RASEF: variants seen among roughly 807,000 people sequenced by gnomAD.
RASEF encodes RAS and EF-hand domain containing.
A neutral mutation model predicts 90.1 loss-of-function variants in RASEF; 68 were observed. The observed-to-expected ratio is 0.75, with a 90% CI of 0.62 to 0.92. The LOEUF is 0.92. Ranked by LOEUF, RASEF falls within the 40% of genes least tolerant of loss-of-function variation. The pLI is 0.00. For synonymous variants in RASEF, 331 were observed against 345.2 expected (o/e 0.96, Z 0.46); for missense variants, 949 against 937.2 (o/e 1.01, Z -0.16).
At chr9:83,086,784 C>G in the RASEF span, among the ~76,000 whole-genome samples, 2 of 152,028 alleles carry the variant, frequency 1.3e-5, no homozygotes, top group Non-Finnish European at 2.9e-5. Flanking sequence ...TGGCTTCTCC[C>G]AGAGGAAGTG....
chr9:83,087,603 G>A, the RASEF span, among the ~76,000 whole-genome samples: 1 of 152,048 alleles, frequency 6.6e-6, no homozygotes, highest in East Asian at 1.9e-4. Context: ...TTGTATTTCT[G>A]TAGGGTGGGT....
the RASEF span, among the ~76,000 whole-genome samples, chr9:83,074,512 G>C: frequency 5.3e-5 from 8 of 152,108 alleles, no homozygotes; most frequent in Non-Finnish European, 1.0e-4. Flanking sequence ...TCCAGCCCAT[G>C]ACCCACTATT....
At chr9:82,984,930 A>G (rs1191368356) in intron 16 of RASEF, among the ~76,000 whole-genome samples, 1 of 152,172 alleles carries the variant, frequency 6.6e-6, no homozygotes. Flanking sequence ...GTGCCCACAG[A>G]TGTGTTGTGG....
chr9:83,023,336 G>C (rs1187590586), intron 2 of RASEF, among the ~76,000 whole-genome samples: 1 of 152,190 alleles, frequency 6.6e-6, no homozygotes, highest in Non-Finnish European at 1.5e-5. Flanking sequence ...ACATTGATTT[G>C]CATCTAAACC....
Position 83,015,880 on chromosome 9 carries a change from T to C in RASEF, c.690A>G (p.Glu230=). Residue 230 remains glutamate (E), a synonymous_variant, in exon 4 of 17, where the codon GAA becomes GAG. Transcript: ENST00000376447. ...ACTGACGTCTGAGGTCACTGAGGGCTTCCTCAGCTTTGCGTTTTTCCTAAA... is the reference window on the plus strand; with the variant it reads ...ACTGACGTCTGAGGTCACTGAGGGCCTCCTCAGCTTTGCGTTTTTCCTAAA... ...TRKDEKRKAE[E]ALSDLRRQYE... The C allele has an allele frequency of 3.1e-6, 5 of 1,613,514 alleles. No individual in the cohort carries two copies. Among genetic ancestry groups the C allele is most frequent in the Non-Finnish European group, 4.2e-6 (5 of 1,179,592 alleles).
chr9:83,207,599 T>C, the RASEF span, among the ~76,000 whole-genome samples: 2 of 31,186 alleles, frequency 6.4e-5, no homozygotes, highest in Non-Finnish European at 1.3e-4. Flanking sequence ...GGAGGGCTGC[T>C]TTTTTTTTTT....
At chr9:83,063,515 A>G (rs548305444), upstream of RASEF, among the ~76,000 whole-genome samples, 6 of 152,344 alleles carry the variant, frequency 3.9e-5, no homozygotes, top group Non-Finnish European at 7.3e-5. Context: ...CTTACAAACC[A>G]AAGTACAAGA....
the RASEF span, among the ~76,000 whole-genome samples, chr9:83,168,119 A>G: frequency 6.6e-6 from 1 of 152,164 alleles, no homozygotes; most frequent in Non-Finnish European, 1.5e-5. Context: ...CAGAATTCCT[A>G]CTAGCAGTGA....
chr9:82,999,380 C>T (rs10780563), intron 12 of RASEF, among the ~76,000 whole-genome samples: 80,831 of 151,742 alleles, frequency 0.53, 21,814 homozygotes, highest in East Asian at 0.78. Context: ...GGCCACCCTG[C>T]GTAAAACCGC....
chr9:83,007,091 C>G (rs1418683460), intron 7 of RASEF, among the ~76,000 whole-genome samples: 1 of 79,522 alleles, frequency 1.3e-5, no homozygotes, highest in African/African-American at 7.5e-5. Context: ...AAGACTCTGT[C>G]TCAAAAAAAA....
At chr9:83,023,986 C>A (rs1250914935) in intron 2 of RASEF, among the ~76,000 whole-genome samples, 2 of 152,220 alleles carry the variant, frequency 1.3e-5, no homozygotes, top group Non-Finnish European at 2.9e-5. Context: ...CCCACTGTGA[C>A]CTAGTCCGGG....
At chr9:83,086,201 T>C in the RASEF span, among the ~76,000 whole-genome samples, 1 of 152,116 alleles carries the variant, frequency 6.6e-6, no homozygotes, top group African/African-American at 2.4e-5. Flanking sequence ...TCAGAGACCA[T>C]GTATTTAGAA....
the RASEF span, among the ~76,000 whole-genome samples, chr9:83,100,535 A>G: frequency 6.6e-6 from 1 of 152,216 alleles, no homozygotes; most frequent in African/African-American, 2.4e-5. Flanking sequence ...AGTTTATGAA[A>G]ATCAGCCCAT....
the RASEF span, among the ~76,000 whole-genome samples, chr9:83,083,989 A>G: frequency 6.6e-6 from 1 of 152,196 alleles, no homozygotes; most frequent in African/African-American, 2.4e-5. Flanking sequence ...TATAGGTTCA[A>G]CAACAGGATA....
rs559358592 is a variant in RASEF at position 83,060,556 on chromosome 9, T to C, written c.431+1881A>G. 1.7e-4 allele frequency among the ~76,000 whole-genome samples: 26 copies of C among 152,332 alleles called. No individual in the cohort carries two copies. In the East Asian group the frequency reaches 4.8e-3, roughly 28 times the overall value. On this transcript the variant is annotated intron_variant, in intron 1 of 16. Transcript: ENST00000376447. Reference sequence around the variant, plus strand: ...CATATGGCAGGCAATTGGTAATGCTTATGGAATACATTTGGCTGAAATAAT... The same window carrying C: ...CATATGGCAGGCAATTGGTAATGCTCATGGAATACATTTGGCTGAAATAAT...
At chr9:83,063,882 A>G (rs573347020), upstream of RASEF, among the ~76,000 whole-genome samples, 3 of 152,286 alleles carry the variant, frequency 2.0e-5, no homozygotes, top group East Asian at 1.9e-4. Context: ...ACCCATTTTG[A>G]TCCTTTTAAA....
At chr9:83,100,221 T>C in the RASEF span, among the ~76,000 whole-genome samples, 1 of 152,222 alleles carries the variant, frequency 6.6e-6, no homozygotes, top group Non-Finnish European at 1.5e-5. Flanking sequence ...CAACTTTTAA[T>C]GAATAACTTC....
chr9:83,056,907 C>T (rs1020355773), intron 1 of RASEF, among the ~76,000 whole-genome samples: 1 of 152,220 alleles, frequency 6.6e-6, no homozygotes, highest in African/African-American at 2.4e-5. Context: ...GGCCACTGCT[C>T]AGATGGCTAA....
At chr9:83,144,554 A>C in the RASEF span, among the ~76,000 whole-genome samples, 1 of 152,134 alleles carries the variant, frequency 6.6e-6, no homozygotes, top group East Asian at 1.9e-4. Context: ...ACTGTGCTTT[A>C]AAGGATGGGT....
Sources: allele counts gnomAD v4.1 joint callset (sites outside exome capture counted in the v4.1 genomes callset), GRCh38; gene constraint gnomAD v4.1.1; transcripts MANE v1.5; gene names NCBI Gene and HGNC (gene_info 2026-07-23, HGNC 2026-07-21).